Variants in SLC7A5 observed in about 807,000 individuals in gnomAD.
SLC7A5 encodes large neutral amino acids transporter small subunit 1.
A neutral mutation model predicts 50.2 loss-of-function variants in SLC7A5; 23 were observed. The ratio of observed to expected loss-of-function variants is 0.46; its 90% CI spans 0.33 to 0.65. The LOEUF (loss-of-function observed/expected upper bound fraction) is 0.65, where lower values mean the gene tolerates loss of function less well. SLC7A5 is among the 30% of genes least tolerant of loss of function. SLC7A5 has a pLI of 0.02. For synonymous variants in SLC7A5, 393 were observed against 330.6 expected, an observed-to-expected ratio of 1.19 and a Z score of -2.05; for missense variants, 578 against 684.4, an observed-to-expected ratio of 0.84 and a Z score of 1.73.
chr16:87,835,182 C>G (rs1234251468), intron 8 of SLC7A5, among the ~76,000 whole-genome samples: 1 of 152,258 alleles, frequency 6.6e-6, no homozygotes, highest in Non-Finnish European at 1.5e-5. Context: ...ACAGGGCACC[C>G]TGGGAGATGC....
chr16:87,851,987 C>A, intron 1 of SLC7A5, 138 bp from the exon 2 acceptor site: 1 of 968,188 alleles, frequency 1.0e-6, no homozygotes, highest in Non-Finnish European at 1.6e-6. Flanking sequence ...GCTCCAGTCC[C>A]CTGCCAGCCC....
At chr16:87,843,067 T>C (rs1199352135) in intron 2 of SLC7A5, among the ~76,000 whole-genome samples, 3 of 152,010 alleles carry the variant, frequency 2.0e-5, no homozygotes, top group Non-Finnish European at 4.4e-5. Flanking sequence ...CTGGCACTCA[T>C]GGTGGGAGGG....
rs750192733 is a variant in SLC7A5 at position 87,836,579 on chromosome 16, G to A, written c.1209C>T (p.Phe403=). Residue 403 remains phenylalanine (F), a synonymous_variant, in exon 8 of 10, where the codon TTC becomes TTT. Coordinates refer to ENST00000261622, the MANE Select transcript of SLC7A5 (RefSeq NM_003486.7). The part of the protein sequence containing the change: ...IFSVINFFSF[F]NWLCVALAII... ...TGGCCAGGGCCACGCAGAGCCAGTT[G>A]AAGAAGCTGAAGAAGTTGATGACGG... is the stretch of plus-strand genomic sequence containing the variant. 8 of 1,613,704 alleles carry A rather than the reference G, an allele frequency of 5.0e-6. No homozygotes were observed. The South Asian group carries it at 8.8e-5, about 18-fold the overall frequency.
intron 8 of SLC7A5, among the ~76,000 whole-genome samples, chr16:87,835,266 C>A (rs2054984773): frequency 6.6e-6 from 1 of 152,228 alleles, no homozygotes. Context: ...AGACGCCAAC[C>A]CGTGCCCAGG....
At chr16:87,835,755 T>G (rs1362269751) in intron 8 of SLC7A5, among the ~76,000 whole-genome samples, 2 of 152,100 alleles carry the variant, frequency 1.3e-5, no homozygotes, top group African/African-American at 4.8e-5. Context: ...ATTACAGGCG[T>G]GAGCCACCGC....
rs748946216 is a variant in SLC7A5, at chr16:87,853,032, T to C, written c.539-1183A>G. Among the ~76,000 whole-genome samples the C allele has an allele frequency of 1.4e-4, 21 of 152,124 alleles. No individual in the cohort carries two copies. The highest frequency in any genetic ancestry group is 2.5e-4 in the Non-Finnish European group (17 of 68,014). On this transcript the variant is annotated intron_variant, in intron 1 of 9. Transcript: ENST00000261622. The surrounding 1 kb of genome is among the most constrained non-coding windows in gnomAD (Gnocchi z 4.4). ...GCACGGGCCACCCACACAGCTCAGA[T>C]CTCACAGCCCTCCCGGCACCGCACC... is the stretch of plus-strand genomic sequence containing the variant.
intron 6 of SLC7A5, 66 bp from the exon 7 acceptor site, chr16:87,838,007 C>A (rs754081058): frequency 1.6e-6 from 2 of 1,277,936 alleles, no homozygotes; most frequent in African/African-American, 2.9e-5. Flanking sequence ...ACAGGGGACA[C>A]GCAGGCTGGG....
intron 1 of SLC7A5, among the ~76,000 whole-genome samples, chr16:87,867,439 C>T (rs2055477258): frequency 6.6e-6 from 1 of 152,206 alleles, no homozygotes; most frequent in Admixed American, 6.5e-5. Context: ...CGATTTTTCC[C>T]GGCTTTGACC....
intron 1 of SLC7A5, among the ~76,000 whole-genome samples, chr16:87,865,253 A>G (rs2055445466): frequency 6.6e-6 from 1 of 151,880 alleles, no homozygotes; most frequent in Non-Finnish European, 1.5e-5. Flanking sequence ...TGGGTCAGAG[A>G]AAAAAAACAA....
At chr16:87,834,653 C>CG in intron 8 of SLC7A5, 62 bp from the exon 9 acceptor site, 1 of 1,538,850 alleles carries the variant, frequency 6.5e-7, no homozygotes, top group Non-Finnish European at 8.8e-7. Flanking sequence ...CCCCATGCCC[C>CG]GAGGTTCCTC....
In SLC7A5 at chr16:87,833,225, T is replaced by C. The variant is rs1390182546; in HGVS notation, c.1469-200A>G. On this transcript the variant is annotated intron_variant, in intron 9 of 9. Transcript: ENST00000261622. The surrounding 1 kb of genome is among the most constrained non-coding windows in gnomAD (Gnocchi z 6.0). The stretch of plus-strand genomic sequence containing the variant: ...CCCGAGGCGCTGTCTTCAACTGAAA[T>C]GCGGAAGTGCCACATCCCACTCGGC... 1.3e-5 allele frequency among the ~76,000 whole-genome samples: 2 copies of C among 152,206 alleles called. No homozygotes were observed. Among genetic ancestry groups the C allele is most frequent in the Non-Finnish European group, 2.9e-5 (2 of 68,020 alleles).
chr16:87,857,193 T>G (rs2055332432), intron 1 of SLC7A5, among the ~76,000 whole-genome samples: 4 of 151,684 alleles, frequency 2.6e-5, no homozygotes, highest in Admixed American at 2.6e-4. Flanking sequence ...AATGAAGCAG[T>G]TCCGGGGCAG....
Position 87,832,837 on chromosome 16 carries a change from C to T in SLC7A5, c.*133G>A, listed in dbSNP as rs187682843. ...TTTCACAGCAGCCTCCACTGCCCGA[C>T]CTGGGAGGGACGGCGAGGGACTGGG... is the stretch of plus-strand genomic sequence containing the variant. On this transcript the variant is annotated 3_prime_UTR_variant, in exon 10 of 10. Transcript: ENST00000261622. This position sits in a 1 kb window ranked among gnomAD's most constrained non-coding sequence, Gnocchi z 4.6. The T allele has an allele frequency of 1.0e-5, 8 of 773,856 alleles. No homozygotes were observed. In the East Asian group the frequency reaches 2.0e-4, roughly 20 times the overall value. 47.9% of individuals were successfully genotyped at this position (773,856 alleles called of 1,614,324 possible). A position where few individuals can be genotyped will look rare whatever the true frequency, so the allele number is the denominator to read the frequency against.
Position 87,855,720 on chromosome 16 carries a change from G to A in SLC7A5, c.539-3871C>T, listed in dbSNP as rs187557789. Among the ~76,000 whole-genome samples, 33 of 151,948 alleles carry A rather than the reference G, an allele frequency of 2.2e-4. No homozygotes were observed. In the East Asian group the frequency reaches 6.4e-3, roughly 29 times the overall value. ...TGATCCCCCAGGGTCCAGTGTTGGA[G>A]GAGAGGGGTGGGGGAAGGGCCAGTA... is the stretch of plus-strand genomic sequence containing the variant. On this transcript the variant is annotated intron_variant, in intron 1 of 9. Transcript: ENST00000261622.
Position 87,852,347 on chromosome 16 carries a change from T to C in SLC7A5, c.539-498A>G, listed in dbSNP as rs1437886517. Among the ~76,000 whole-genome samples, 2 of 152,066 alleles carry C rather than the reference T, an allele frequency of 1.3e-5. No homozygotes were observed. Among genetic ancestry groups the C allele is most frequent in the African/African-American group, 4.8e-5 (2 of 41,398 alleles). On this transcript the variant is annotated intron_variant, in intron 1 of 9. Transcript: ENST00000261622. This position sits in a 1 kb window ranked among gnomAD's most constrained non-coding sequence, Gnocchi z 4.5. ...GATCTTCTGTGGATTCCAACAGAAG[T>C]GGGGTGTCCCGCTTTCCCGGAACTA...
intron 1 of SLC7A5, among the ~76,000 whole-genome samples, chr16:87,864,098 C>A (rs1219337249): frequency 6.7e-6 from 1 of 148,306 alleles, no homozygotes; most frequent in Non-Finnish European, 1.5e-5. Context: ...TCGAGACCAG[C>A]CTGGCCAACG....
Position 87,860,115 on chromosome 16 carries a change from C to T in SLC7A5, c.539-8266G>A, listed in dbSNP as rs1339947323. 1.3e-5 allele frequency among the ~76,000 whole-genome samples: 2 copies of T among 151,916 alleles called. No homozygotes were observed. The highest frequency in any genetic ancestry group is 2.4e-5 in the African/African-American group (1 of 41,314). ...TGGGAAGCCAAGGTGGGCGGATCAC[C>T]TGAGATCAAGAGTTCGAAACCAGCC... On this transcript the variant is annotated intron_variant, in intron 1 of 9. Coordinates refer to ENST00000261622, the MANE Select transcript of SLC7A5 (RefSeq NM_003486.7). The surrounding 1 kb of genome is among the most constrained non-coding windows in gnomAD (Gnocchi z 4.8).
intron 1 of SLC7A5, among the ~76,000 whole-genome samples, chr16:87,855,537 T>G (rs2055305380): frequency 6.6e-6 from 1 of 151,928 alleles, no homozygotes; most frequent in African/African-American, 2.4e-5. Context: ...CCCTCTCCCC[T>G]CGGGGGGATG....
rs2143820356 is a variant in SLC7A5, at chr16:87,860,251, T to C, written c.539-8402A>G. ...GGGAAGCTAAGGCAGGAGAATCACT[T>C]GAACCCAGGAGGCGGAGGTTGCAGT... On this transcript the variant is annotated intron_variant, in intron 1 of 9. Coordinates refer to ENST00000261622, the MANE Select transcript of SLC7A5 (RefSeq NM_003486.7). This position sits in a 1 kb window ranked among gnomAD's most constrained non-coding sequence, Gnocchi z 4.8. Among the ~76,000 whole-genome samples the C allele has an allele frequency of 6.7e-6, 1 of 149,800 alleles. No individual in the cohort carries two copies. Among genetic ancestry groups the C allele is most frequent in the African/African-American group, 2.5e-5 (1 of 40,694 alleles).
Sources: allele counts gnomAD v4.1 joint callset (sites outside exome capture counted in the v4.1 genomes callset), GRCh38; gene constraint gnomAD v4.1.1; non-coding constraint Gnocchi (gnomAD v3.1); transcripts MANE v1.5; gene names NCBI Gene and HGNC (gene_info 2026-07-23, HGNC 2026-07-21).